GLB1: variants seen among roughly 807,000 people sequenced by gnomAD.
The protein encoded by GLB1 is galactosidase beta 1, also known as beta-galactosidase.
A neutral mutation model predicts 74.0 loss-of-function variants in GLB1; 56 were observed. That is an observed-to-expected ratio of 0.76 (90% CI 0.61 to 0.94). The LOEUF is 0.94. Among genes scored for constraint, GLB1 ranks in the 40% least tolerant of loss-of-function variants. The pLI is 0.00. For missense variants in GLB1, 787 were observed against 845.5 expected (o/e 0.93, Z 0.86); for synonymous variants, 323 against 323.6 (o/e 1.00, Z 0.02).
chr3:32,962,893 G>A, the GLB1 span, among the ~76,000 whole-genome samples: 4 of 151,926 alleles, frequency 2.6e-5, no homozygotes, highest in African/African-American at 2.4e-5. Context: ...TAAATACAAT[G>A]TTATTCTTCA....
At chr3:33,009,154 T>TAAATAAATAAATAAATAAAAA (rs761134064) in intron 15 of GLB1, among the ~76,000 whole-genome samples, 20 of 131,514 alleles carry the variant, frequency 1.5e-4, no homozygotes, top group Non-Finnish European at 2.4e-4. Context: ...AATAAATAAA[T>TAAATAAATAAATAAATAAAAA]AAAAAAGATT....
At chr3:33,021,720 A>G (rs1697493575) in intron 11 of GLB1, 65 bp from the exon 12 acceptor site, 2 of 1,554,360 alleles carry the variant, frequency 1.3e-6, no homozygotes, top group African/African-American at 1.4e-5. Context: ...TTACAGAGTC[A>G]TTCCCTAATT....
the GLB1 span, among the ~76,000 whole-genome samples, chr3:32,987,475 A>G: frequency 6.6e-6 from 1 of 152,142 alleles, no homozygotes; most frequent in Admixed American, 6.5e-5. Flanking sequence ...AACCACGTGC[A>G]CACAAAGCCC....
chr3:32,963,102 A>T, the GLB1 span, among the ~76,000 whole-genome samples: 3 of 152,182 alleles, frequency 2.0e-5, no homozygotes, highest in African/African-American at 7.2e-5. Context: ...GTGAAACAGA[A>T]TGGGAAATCT....
chr3:33,043,637 A>T (rs1233007067), intron 10 of GLB1, among the ~76,000 whole-genome samples: 1 of 152,174 alleles, frequency 6.6e-6, no homozygotes, highest in Non-Finnish European at 1.5e-5. Context: ...ACAATGAATG[A>T]GAATGTATAA....
At chr3:33,073,578 C>G (rs1335866008) in intron 1 of GLB1, among the ~76,000 whole-genome samples, 1 of 152,050 alleles carries the variant, frequency 6.6e-6, no homozygotes, top group Non-Finnish European at 1.5e-5. Flanking sequence ...ATCCCAGCTA[C>G]TTGGGAGGCT....
chr3:33,053,452 T>C (rs529859216), intron 7 of GLB1, 39 bp downstream of exon 7: 10 of 1,613,998 alleles, frequency 6.2e-6, no homozygotes, highest in Non-Finnish European at 8.5e-6. Flanking sequence ...CTTTTCTCTC[T>C]TAACAGCTGC....
At chr3:33,071,854 G>C (rs543109606) in intron 2 of GLB1, among the ~76,000 whole-genome samples, 2 of 152,042 alleles carry the variant, frequency 1.3e-5, no homozygotes, top group African/African-American at 4.8e-5. Context: ...CATTGCAGAG[G>C]GGTCCTGCTC....
chr3:33,048,079 A>G (rs1287503157), intron 9 of GLB1, among the ~76,000 whole-genome samples: 1 of 152,064 alleles, frequency 6.6e-6, no homozygotes, highest in Non-Finnish European at 1.5e-5. Context: ...TCTCCATGCT[A>G]CACTGCTTGC....
chr3:32,991,994 C>T (rs940575009), downstream of GLB1, among the ~76,000 whole-genome samples: 1 of 152,256 alleles, frequency 6.6e-6, no homozygotes, highest in Non-Finnish European at 1.5e-5. Context: ...ATGAGAAATG[C>T]CCCGTGGGCA....
rs780035745 is a variant in GLB1 at position 33,068,883 on chromosome 3, A to T, written c.333T>A (p.Ala111=). The change falls in exon 3 of 16, where the codon GCT becomes GCA. Residue 111 remains alanine, a synonymous_variant. Coordinates refer to ENST00000307363, the MANE Select transcript of GLB1 (RefSeq NM_000404.4). ...GGATAACCAGCAGTCCCAGCTCATG[A>T]GCCAGCCGAAGAAAATATTCCACAT... ...DHDVEYFLRL[A]HELGLLVILR... 1 of 1,614,048 alleles carries T rather than the reference A, an allele frequency of 6.2e-7. No individual in the cohort carries two copies. The highest frequency in any genetic ancestry group is 1.3e-5 in the African/African-American group (1 of 74,918).
rs188518201 is a variant in GLB1 at position 33,021,863 on chromosome 3, T to C, written c.1144-208A>G. On this transcript the variant is annotated intron_variant, in intron 11 of 15. Coordinates refer to ENST00000307363, the MANE Select transcript of GLB1 (RefSeq NM_000404.4). ...AACTCCTGATGAAAACTATGAATGATAGTAGTCTTAAAAAGGTTTCAAACA... is the reference window on the plus strand; with the variant it reads ...AACTCCTGATGAAAACTATGAATGACAGTAGTCTTAAAAAGGTTTCAAACA... Among the ~76,000 whole-genome samples, 8 of 152,300 alleles carry C rather than the reference T, an allele frequency of 5.3e-5. No individual in the cohort carries two copies. In the East Asian group the frequency reaches 9.6e-4, roughly 18 times the overall value.
At chr3:33,034,718 G>A in intron 10 of GLB1, 1 of 708,102 alleles carries the variant, frequency 1.4e-6, no homozygotes, top group Non-Finnish European at 2.7e-6. Flanking sequence ...GAAGCAGTTG[G>A]TTGATGGGCA....
intron 6 of GLB1, among the ~76,000 whole-genome samples, chr3:33,054,869 C>T (rs1453906078): frequency 6.6e-6 from 1 of 152,210 alleles, no homozygotes; most frequent in African/African-American, 2.4e-5. Context: ...GCAGTGTCCA[C>T]ACCAACCCGA....
At chr3:33,055,404 C>A (rs765711681) in intron 6 of GLB1, among the ~76,000 whole-genome samples, 1 of 151,672 alleles carries the variant, frequency 6.6e-6, no homozygotes, top group African/African-American at 2.4e-5. Context: ...TCCTCTGCAG[C>A]GCTTTGTATT....
At chr3:33,043,817 G>GATACC (rs1698625998) in intron 10 of GLB1, among the ~76,000 whole-genome samples, 1 of 28,954 alleles carries the variant, frequency 3.5e-5, no homozygotes, top group Non-Finnish European at 8.6e-5. Flanking sequence ...CAGGTAAATG[G>GATACC]TGTTAATGAA....
intron 10 of GLB1, among the ~76,000 whole-genome samples, chr3:33,041,754 C>G (rs1458962012): frequency 6.6e-6 from 1 of 150,462 alleles, no homozygotes; most frequent in Non-Finnish European, 1.5e-5. Context: ...ATTAATATAA[C>G]TTGCTTACTA....
rs780024964 is a variant in GLB1, at chr3:33,093,236, G to A, written c.75+3775C>T. On this transcript the variant is annotated intron_variant, in intron 1 of 15. Transcript: ENST00000307363. This position sits in a 1 kb window ranked among gnomAD's most constrained non-coding sequence, Gnocchi z 6.0. ...TCCAGTCCTCATCCTCACTCCCACT[G>A]CCACTGCCACCACCACCACGTTGGG... The A allele has an allele frequency of 1.5e-5, 24 of 1,613,974 alleles. No homozygotes were observed. In the African/African-American group the frequency reaches 3.2e-4, roughly 22 times the overall value.
Position 33,009,983 on chromosome 3 carries a change from C to T in GLB1, c.1734+4073G>A, listed in dbSNP as rs576811484. On this transcript the variant is annotated intron_variant, in intron 15 of 15. Coordinates refer to ENST00000307363, the MANE Select transcript of GLB1 (RefSeq NM_000404.4). Reference sequence around the variant, plus strand: ...TTGAGGAATCGTATGGATATACATGCTTTCTCCACTTGTCAGGTGATAGAC... The same window carrying T: ...TTGAGGAATCGTATGGATATACATGTTTTCTCCACTTGTCAGGTGATAGAC... Among the ~76,000 whole-genome samples, 64 of 152,346 alleles carry T rather than the reference C, an allele frequency of 4.2e-4. No individual in the cohort carries two copies. The Middle Eastern group carries it at 0.01, about 24-fold the overall frequency.
Sources: allele counts gnomAD v4.1 joint callset (sites outside exome capture counted in the v4.1 genomes callset), GRCh38; gene constraint gnomAD v4.1.1; non-coding constraint Gnocchi (gnomAD v3.1); transcripts MANE v1.5; gene names NCBI Gene and HGNC (gene_info 2026-07-23, HGNC 2026-07-21).